Variants in AOAH observed in about 807,000 individuals in gnomAD.
AOAH encodes acyloxyacyl hydrolase (neutrophil).
Under a neutral mutation model 92.2 loss-of-function variants are expected in AOAH, and 64 were observed. The ratio of observed to expected loss-of-function variants is 0.69; its 90% CI spans 0.57 to 0.86. The LOEUF is 0.86. Among genes scored for constraint, AOAH ranks in the 40% least tolerant of loss-of-function variants. The probability of loss-of-function intolerance (pLI) is 0.00; values close to 1 mark genes in which losing one functional copy is unlikely to be tolerated. For missense variants in AOAH, 656 were observed against 694.6 expected, an observed-to-expected ratio of 0.94 and a Z score of 0.62; for synonymous variants, 263 against 254.5, an observed-to-expected ratio of 1.03 and a Z score of -0.32.
At chr7:36,539,360 G>A (rs1785274023) in intron 16 of AOAH, among the ~76,000 whole-genome samples, 1 of 152,176 alleles carries the variant, frequency 6.6e-6, no homozygotes, top group African/African-American at 2.4e-5. Context: ...GGGCTGAGAG[G>A]AAGGTACCCA....
chr7:36,558,293 A>G (rs550334575), intron 13 of AOAH, among the ~76,000 whole-genome samples: 5 of 152,282 alleles, frequency 3.3e-5, no homozygotes, highest in East Asian at 3.9e-4. Flanking sequence ...GTGTCTGCAG[A>G]ACAGTGGATT....
intron 1 of AOAH, among the ~76,000 whole-genome samples, chr7:36,702,089 TC>T (rs766060656): frequency 2.0e-5 from 3 of 152,160 alleles, no homozygotes; most frequent in Non-Finnish European, 4.4e-5. Context: ...GCTATTTTTG[TC>T]ATACATTTTA....
intron 11 of AOAH, among the ~76,000 whole-genome samples, chr7:36,598,799 A>G (rs1432296299): frequency 6.6e-6 from 1 of 152,256 alleles, no homozygotes; most frequent in African/African-American, 2.4e-5. Flanking sequence ...TTTAAGTCCT[A>G]TCACATTAAA....
intron 12 of AOAH, among the ~76,000 whole-genome samples, chr7:36,583,547 C>T (rs906743215): frequency 2.0e-5 from 3 of 152,014 alleles, no homozygotes; most frequent in African/African-American, 7.3e-5. Context: ...TATGACTCAC[C>T]GTGGACTCAG....
chr7:36,650,415 C>T (rs1283960159), intron 4 of AOAH, among the ~76,000 whole-genome samples: 2 of 152,024 alleles, frequency 1.3e-5, no homozygotes, highest in East Asian at 3.9e-4. Flanking sequence ...AGTTAGAGGG[C>T]AAGTGGGGAT....
intron 13 of AOAH, among the ~76,000 whole-genome samples, chr7:36,558,842 G>T (rs1787027420): frequency 6.6e-6 from 1 of 152,234 alleles, no homozygotes; most frequent in African/African-American, 2.4e-5. Flanking sequence ...CACAGTATTG[G>T]GGTGGGAGTG....
intron 4 of AOAH, among the ~76,000 whole-genome samples, chr7:36,641,422 C>G (rs1793908153): frequency 1.3e-5 from 2 of 152,232 alleles, no homozygotes; most frequent in Admixed American, 1.3e-4. Flanking sequence ...GCTTCGGGCT[C>G]TGGGCTGTAA....
At chr7:36,707,021 T>G (rs1342732514) in intron 1 of AOAH, among the ~76,000 whole-genome samples, 1 of 145,878 alleles carries the variant, frequency 6.9e-6, no homozygotes, top group African/African-American at 2.6e-5. Flanking sequence ...CTTTAATTTT[T>G]TTTCAATAAC....
rs572259352 is a variant in AOAH, at chr7:36,626,134, TAAAG to T, written c.522-2888_522-2885del. Among the ~76,000 whole-genome samples the T allele has an allele frequency of 6.6e-5, 10 of 151,150 alleles. No homozygotes were observed. The South Asian group carries it at 1.5e-3, about 22-fold the overall frequency. The stretch of plus-strand genomic sequence containing the variant: ...ATTTTTCTAGTTGAGAAAAGGAAGA[TAAAG>T]AAAGAGAGCAAGAGCAAGAGACAAA... On this transcript the variant is annotated intron_variant, in intron 6 of 20. Transcript: ENST00000617537.
intron 13 of AOAH, among the ~76,000 whole-genome samples, chr7:36,567,965 G>C (rs1190078195): frequency 6.6e-6 from 1 of 152,242 alleles, no homozygotes; most frequent in African/African-American, 2.4e-5. Context: ...GTACATTAGA[G>C]TGGCTAAAGG....
chr7:36,573,689 G>A (rs1788295139), intron 13 of AOAH, among the ~76,000 whole-genome samples: 1 of 152,160 alleles, frequency 6.6e-6, no homozygotes, highest in Non-Finnish European at 1.5e-5. Flanking sequence ...CTGCACTCCA[G>A]CCTGGGCGAC....
chr7:36,682,513 A>G (rs1796717201), intron 2 of AOAH, among the ~76,000 whole-genome samples: 1 of 152,226 alleles, frequency 6.6e-6, no homozygotes, highest in African/African-American at 2.4e-5. Flanking sequence ...TAGTAAAAGC[A>G]TGCCAGAAAG....
chr7:36,580,340 G>A (rs141150938), intron 12 of AOAH, among the ~76,000 whole-genome samples: 37 of 151,914 alleles, frequency 2.4e-4, no homozygotes, highest in South Asian at 1.3e-3. Context: ...TATGAATGTC[G>A]TCTGCTATTA....
intron 1 of AOAH, among the ~76,000 whole-genome samples, chr7:36,689,375 C>A (rs12701520): frequency 0.23 from 34,497 of 151,968 alleles, 4,326 homozygotes; most frequent in African/African-American, 0.34. Context: ...AAATTCATTT[C>A]TCATAGTTTT....
chr7:36,700,062 C>T (rs1050781328), intron 1 of AOAH, among the ~76,000 whole-genome samples: 3 of 151,870 alleles, frequency 2.0e-5, no homozygotes, highest in South Asian at 2.1e-4. Flanking sequence ...TGTTCTTTCC[C>T]GGTTGTATGT....
chr7:36,675,603 A>T (rs892170375), intron 2 of AOAH, among the ~76,000 whole-genome samples: 2 of 152,242 alleles, frequency 1.3e-5, no homozygotes, highest in East Asian at 3.8e-4. Context: ...TTTATCAAGA[A>T]TTCTTCCAAA....
intron 2 of AOAH, among the ~76,000 whole-genome samples, chr7:36,674,213 G>A (rs952311259): frequency 3.3e-5 from 5 of 152,116 alleles, no homozygotes; most frequent in Admixed American, 6.5e-5. Flanking sequence ...CCACCTAACC[G>A]TCCAGGTTAA....
At chr7:36,709,598 G>T (rs564068980) in intron 1 of AOAH, among the ~76,000 whole-genome samples, 53 of 152,166 alleles carry the variant, frequency 3.5e-4, no homozygotes, top group African/African-American at 1.2e-3. Flanking sequence ...TTATCTGAAG[G>T]AGCCTAGGGG....
intron 13 of AOAH, among the ~76,000 whole-genome samples, chr7:36,564,832 A>G (rs1192967507): frequency 6.6e-6 from 1 of 152,238 alleles, no homozygotes; most frequent in African/African-American, 2.4e-5. Flanking sequence ...CCTTGCTCCT[A>G]TCTAGATGGT....
Sources: allele counts gnomAD v4.1 joint callset (sites outside exome capture counted in the v4.1 genomes callset), GRCh38; gene constraint gnomAD v4.1.1; transcripts MANE v1.5; gene names NCBI Gene and HGNC (gene_info 2026-07-23, HGNC 2026-07-21).